MORN3: variants seen among roughly 807,000 people sequenced by gnomAD.
The protein encoded by MORN3 is MORN repeat-containing protein 3.
MORN3 carries 38 observed loss-of-function variants against 34.7 expected under a neutral mutation model. The ratio of observed to expected loss-of-function variants is 1.10; its 90% CI spans 0.85 to 1.44. MORN3 has a LOEUF of 1.44. Among genes scored for constraint, MORN3 ranks in the 40% most tolerant of loss-of-function variants. The pLI, the probability that MORN3 is intolerant of heterozygous loss-of-function variation, is 0.00. For synonymous variants in MORN3, 109 were observed against 115.3 expected, an observed-to-expected ratio of 0.95 and a Z score of 0.35; for missense variants, 311 against 321.7, an observed-to-expected ratio of 0.97 and a Z score of 0.25.
At chr12:121,652,929 A>T in intron 4 of MORN3, 121 bp from the exon 5 acceptor site, 1 of 1,424,460 alleles carries the variant, frequency 7.0e-7, no homozygotes, top group Non-Finnish European at 9.7e-7. Flanking sequence ...CTCCCTTGCT[A>T]GGGATGCCCT....
intron 2 of MORN3, among the ~76,000 whole-genome samples, chr12:121,656,873 G>A (rs1239036880): frequency 1.3e-5 from 2 of 152,128 alleles, no homozygotes; most frequent in African/African-American, 4.8e-5. Flanking sequence ...TGGGCACCCT[G>A]TGAAAACATC....
In MORN3 at chr12:121,649,709, T is replaced by A. The variant is rs1421413415; in HGVS notation, c.*1942A>T. On this transcript the variant is annotated 3_prime_UTR_variant, in exon 6 of 6. Transcript: ENST00000355329. ...GGTATTTCAGGGTTTCTCAACATTT[T>A]TTTTTTTTTTTTTTTTGGAGATGGT... 1 of 149,560 alleles carries A rather than the reference T, an allele frequency of 6.7e-6. No homozygotes were observed. Among genetic ancestry groups the A allele is most frequent in the Non-Finnish European group, 1.5e-5 (1 of 67,262 alleles). 9.3% of individuals were successfully genotyped at this position (149,560 alleles called of 1,614,324 possible).
Position 121,651,426 on chromosome 12 carries a change from G to C in MORN3, c.*225C>G, listed in dbSNP as rs1189794915. 6.6e-6 allele frequency: 1 copy of C among 152,154 alleles called. No homozygotes were observed. Among genetic ancestry groups the C allele is most frequent in the African/African-American group, 2.4e-5 (1 of 41,434 alleles). 9.4% of individuals were successfully genotyped at this position (152,154 alleles called of 1,614,324 possible). A position where few individuals can be genotyped will look rare whatever the true frequency, so the allele number is the denominator to read the frequency against. On this transcript the variant is annotated 3_prime_UTR_variant, in exon 6 of 6. Coordinates refer to ENST00000355329, the MANE Select transcript of MORN3 (RefSeq NM_173855.5). ...TATTCTTTATTCTCATGCATTCCAG[G>C]ATGAGATCAGAGAATGAAGAGGGTC...
chr12:121,661,211 G>A (rs1372859534), intron 1 of MORN3, among the ~76,000 whole-genome samples: 2 of 151,992 alleles, frequency 1.3e-5, no homozygotes, highest in East Asian at 1.9e-4. Flanking sequence ...CTCCTGCCTA[G>A]GCTTCCCAAA....
At chr12:121,665,666 G>A (rs948903983) in intron 1 of MORN3, among the ~76,000 whole-genome samples, 3 of 149,448 alleles carry the variant, frequency 2.0e-5, no homozygotes, top group African/African-American at 7.4e-5. Flanking sequence ...TCAGGAGGCT[G>A]AGGCAGGATA....
chr12:121,669,832 ATTT>A (rs63366260), upstream of MORN3, among the ~76,000 whole-genome samples: 184 of 133,612 alleles, frequency 1.4e-3, 3 homozygotes, highest in East Asian at 0.026. Context: ...ATATATATAT[ATTT>A]TTTTTTTTAT....
At position 121,654,307 on chromosome 12, in the gene MORN3, C is replaced by G. The variant is rs1255247846; in HGVS notation, c.430G>C (p.Asp144His). ...AGCATGCCCTCCCCGTTGGGCTTGT[C>G]GTTCTCCCACTGTCCCTCGTAGATG... is the stretch of plus-strand genomic sequence containing the variant. The part of the protein sequence containing the change: ...GDIYEGQWEN[D>H]KPNGEGMLRL... Residue 144 changes from aspartate (D) to histidine (H), a missense_variant, in exon 3 of 6, where the codon GAC becomes CAC. Physicochemically the swap from Asp to His is moderately conservative, Grantham distance 81. Coordinates refer to ENST00000355329, the MANE Select transcript of MORN3 (RefSeq NM_173855.5). 1.1e-5 allele frequency: 18 copies of G among 1,598,340 alleles called. No homozygotes were observed. The highest frequency in any genetic ancestry group is 1.7e-5 in the Admixed American group (1 of 57,498).
At chr12:121,665,980 A>AG (rs1213084201) in intron 1 of MORN3, among the ~76,000 whole-genome samples, 3 of 151,916 alleles carry the variant, frequency 2.0e-5, no homozygotes, top group Non-Finnish European at 4.4e-5. Flanking sequence ...GGGATGGAAG[A>AG]GCTGAGAGTC....
intron 1 of MORN3, among the ~76,000 whole-genome samples, chr12:121,661,452 G>A (rs1893577391): frequency 6.6e-6 from 1 of 152,188 alleles, no homozygotes; most frequent in Admixed American, 6.6e-5. Flanking sequence ...GTCAATTCAT[G>A]TCTGGGTCCT....
chr12:121,652,854 C>G, intron 4 of MORN3, 46 bp from the exon 5 acceptor site: 1 of 1,601,082 alleles, frequency 6.2e-7, no homozygotes, highest in Non-Finnish European at 8.6e-7. Flanking sequence ...ATGGAGGACC[C>G]AGGCTGCCAG....
upstream of MORN3, among the ~76,000 whole-genome samples, chr12:121,671,264 G>A (rs1242191896): frequency 2.6e-5 from 4 of 151,198 alleles, no homozygotes; most frequent in East Asian, 1.9e-4. Flanking sequence ...AAGATTAGCC[G>A]GGCGTGGTGG....
intron 5 of MORN3, 113 bp downstream of exon 5, chr12:121,652,615 C>T (rs1412096292): frequency 2.2e-6 from 2 of 915,704 alleles, no homozygotes; most frequent in Admixed American, 2.1e-5. Flanking sequence ...TGGTCTTGCT[C>T]CCCCACTCCC....
At chr12:121,658,040 C>A (rs1297029684) in intron 2 of MORN3, among the ~76,000 whole-genome samples, 1 of 151,978 alleles carries the variant, frequency 6.6e-6, no homozygotes, top group Non-Finnish European at 1.5e-5. Context: ...AATCAGCACT[C>A]CTGGTTCACT....
At chr12:121,654,227 C>A (rs1371228296) in intron 3 of MORN3, 47 bp downstream of exon 3, 1 of 1,092,702 alleles carries the variant, frequency 9.2e-7, no homozygotes, top group East Asian at 6.4e-5. Flanking sequence ...AGCTCGCTGC[C>A]GGGGGCGTGG....
chr12:121,654,222 G>C (rs1236252550), intron 3 of MORN3, 52 bp downstream of exon 3: 1 of 1,459,764 alleles, frequency 6.9e-7, no homozygotes, highest in East Asian at 2.5e-5. Context: ...TGGCCAGCTC[G>C]CTGCCGGGGG....
Position 121,659,228 on chromosome 12 carries a change from C to T in MORN3, c.266G>A (p.Arg89Lys). Residue 89 changes from arginine to lysine, a missense_variant, in exon 2 of 6, where the codon AGA becomes AAA. By Grantham distance (26) the Arg-to-Lys change is conservative. Transcript: ENST00000355329. ...LPDQQTGKCR[R>K]VYSGWWKGDK... ...ACCTTTCCACCAGCCTGAGTAGACT[C>T]TCCTGCACTTTCCTGTCTGTTGGTC... is the stretch of plus-strand genomic sequence containing the variant. 4 of 1,614,096 alleles carry T rather than the reference C, an allele frequency of 2.5e-6. No homozygotes were observed. The highest frequency in any genetic ancestry group is 3.4e-6 in the Non-Finnish European group (4 of 1,180,014).
intron 2 of MORN3, among the ~76,000 whole-genome samples, chr12:121,656,218 T>C (rs541925861): frequency 1.8e-4 from 27 of 152,310 alleles, no homozygotes; most frequent in Non-Finnish European, 3.5e-4. Flanking sequence ...TCTGCTGTTT[T>C]ACATCTCGTT....
At chr12:121,661,654 T>C (rs1051626097) in intron 1 of MORN3, among the ~76,000 whole-genome samples, 2 of 152,062 alleles carry the variant, frequency 1.3e-5, no homozygotes, top group Non-Finnish European at 2.9e-5. Context: ...GGCGCGCTGA[T>C]CACTTGAGGT....
At position 121,669,607 on chromosome 12, in the gene MORN3, C is replaced by T. The variant is rs1050418056; in HGVS notation, c.-124G>A. The T allele has an allele frequency of 8.7e-6, 12 of 1,381,180 alleles. No individual in the cohort carries two copies. Among genetic ancestry groups the T allele is most frequent in the African/African-American group, 1.4e-5 (1 of 69,898 alleles). 85.6% of individuals were successfully genotyped at this position (1,381,180 alleles called of 1,614,324 possible). On this transcript the variant is annotated 5_prime_UTR_variant, in exon 1 of 6. Transcript: ENST00000355329. ...GGGAGAGTCATGTGTGTTCTGAGTC[C>T]CTGGGGCAGGTGAACAGCCCTTAGT...
Sources: allele counts gnomAD v4.1 joint callset (sites outside exome capture counted in the v4.1 genomes callset), GRCh38; gene constraint gnomAD v4.1.1; transcripts MANE v1.5; gene names NCBI Gene and HGNC (gene_info 2026-07-23, HGNC 2026-07-21).